Variants in SHC3 observed in about 807,000 individuals in gnomAD.
SHC3 encodes the protein SHC-transforming protein 3.
SHC3 carries 15 observed loss-of-function variants against 60.4 expected under a neutral mutation model. The observed-to-expected ratio is 0.25, with a 90% CI of 0.17 to 0.38. The LOEUF is 0.38. Among genes scored for constraint, SHC3 ranks in the 10% least tolerant of loss-of-function variants. The pLI is 1.00. For synonymous variants in SHC3, 294 were observed against 325.9 expected (o/e 0.90, Z 1.05); for missense variants, 677 against 786.1 (o/e 0.86, Z 1.66).
intron 11 of SHC3, among the ~76,000 whole-genome samples, chr9:89,034,258 T>G (rs1431085805): frequency 1.3e-5 from 2 of 152,190 alleles, no homozygotes; most frequent in African/African-American, 4.8e-5. Context: ...TTAAACAGAT[T>G]CCTAGACATA....
At chr9:89,052,548 C>T (rs1824878628) in intron 6 of SHC3, among the ~76,000 whole-genome samples, 1 of 152,146 alleles carries the variant, frequency 6.6e-6, no homozygotes, top group Non-Finnish European at 1.5e-5. Flanking sequence ...TGAACTAGGT[C>T]CCTTCAAACC....
chr9:89,136,619 C>T (rs1051757468), intron 1 of SHC3, among the ~76,000 whole-genome samples: 1 of 152,222 alleles, frequency 6.6e-6, no homozygotes, highest in Non-Finnish European at 1.5e-5. Flanking sequence ...CCTTGTTTAG[C>T]ATATTATCAA....
intron 1 of SHC3, among the ~76,000 whole-genome samples, chr9:89,118,881 T>C (rs954292672): frequency 3.3e-5 from 5 of 152,164 alleles, no homozygotes; most frequent in Non-Finnish European, 7.4e-5. Flanking sequence ...AAGAGGAGGA[T>C]GTGGGCTGCA....
At chr9:89,037,256 T>G in intron 11 of SHC3, 1 of 472,874 alleles carries the variant, frequency 2.1e-6, no homozygotes, top group Middle Eastern at 4.2e-4. Flanking sequence ...TCCCTGTCAA[T>G]CAGAAAATGC....
chr9:89,095,594 T>A (rs1378609193), intron 2 of SHC3, among the ~76,000 whole-genome samples: 1 of 152,008 alleles, frequency 6.6e-6, no homozygotes, highest in East Asian at 1.9e-4. Context: ...GTTTCAATGG[T>A]AAACTTTATG....
At chr9:89,090,614 G>T (rs1825606377) in intron 2 of SHC3, among the ~76,000 whole-genome samples, 1 of 152,186 alleles carries the variant, frequency 6.6e-6, no homozygotes, top group South Asian at 2.1e-4. Context: ...AGGAGAGTGT[G>T]AGCTGAGCAC....
At chr9:89,035,856 T>TATATATATCTA (rs1317555722) in intron 11 of SHC3, among the ~76,000 whole-genome samples, 1 of 88,994 alleles carries the variant, frequency 1.1e-5, no homozygotes, top group Non-Finnish European at 2.4e-5. Context: ...TATAGATGTG[T>TATATATATCTA]GTGTGTGTGT....
In SHC3 at chr9:89,011,481, A is replaced by T. The variant is rs1483056980; in HGVS notation, c.*1966T>A. 1 of 152,246 alleles carries T rather than the reference A, an allele frequency of 6.6e-6. No individual in the cohort carries two copies. Among genetic ancestry groups the T allele is most frequent in the Non-Finnish European group, 1.5e-5 (1 of 68,046 alleles). 9.4% of individuals were successfully genotyped at this position (152,246 alleles called of 1,614,324 possible). On this transcript the variant is annotated 3_prime_UTR_variant, in exon 12 of 12. Coordinates refer to ENST00000375835, the MANE Select transcript of SHC3 (RefSeq NM_016848.6). ...TCGCACATTTTTCTATGTGGTGCAC[A>T]TTCATGCACAGGTGGGTCAGAGCTG... is the stretch of plus-strand genomic sequence containing the variant.
At chr9:89,088,093 T>C (rs1022461581) in intron 2 of SHC3, among the ~76,000 whole-genome samples, 7 of 152,222 alleles carry the variant, frequency 4.6e-5, no homozygotes, top group Non-Finnish European at 1.0e-4. Context: ...TGGCACCTTT[T>C]AGGGTTGGTT....
At chr9:89,119,286 A>G (rs1826058935) in intron 1 of SHC3, among the ~76,000 whole-genome samples, 1 of 152,176 alleles carries the variant, frequency 6.6e-6, no homozygotes, top group African/African-American at 2.4e-5. Flanking sequence ...GAATATGCAC[A>G]GATGAAAGGC....
chr9:89,106,769 G>A (rs1036528356), intron 2 of SHC3, among the ~76,000 whole-genome samples: 2 of 152,104 alleles, frequency 1.3e-5, no homozygotes, highest in Admixed American at 6.5e-5. Flanking sequence ...AGATACCTTC[G>A]GTCTAACCAA....
At chr9:89,057,144 G>A (rs1230682022) in intron 6 of SHC3, among the ~76,000 whole-genome samples, 2 of 152,198 alleles carry the variant, frequency 1.3e-5, no homozygotes, top group Non-Finnish European at 2.9e-5. Context: ...AACAAGGACG[G>A]CTGTCTTTTC....
intron 1 of SHC3, among the ~76,000 whole-genome samples, chr9:89,143,633 A>C (rs538078313): frequency 1.5e-4 from 23 of 152,154 alleles, no homozygotes; most frequent in Non-Finnish European, 2.4e-4. Flanking sequence ...TTAGAGACAG[A>C]GGGATGGGGG....
intron 2 of SHC3, among the ~76,000 whole-genome samples, chr9:89,083,512 C>T (rs988724576): frequency 3.3e-5 from 5 of 152,178 alleles, no homozygotes; most frequent in Non-Finnish European, 7.3e-5. Flanking sequence ...AAGCAACCAA[C>T]GCCTTTTTAC....
intron 2 of SHC3, among the ~76,000 whole-genome samples, chr9:89,098,615 C>T (rs1825738849): frequency 6.6e-6 from 1 of 152,312 alleles, no homozygotes; most frequent in East Asian, 1.9e-4. Flanking sequence ...TCGAGACCAT[C>T]CTGGCTAACA....
intron 2 of SHC3, chr9:89,088,716 G>A (rs1269235412): frequency 6.6e-6 from 1 of 152,386 alleles, no homozygotes; most frequent in African/African-American, 2.4e-5. Flanking sequence ...AAATGCTGAT[G>A]GGACAACCAG....
chr9:89,155,150 C>T lies in SHC3; in HGVS notation c.474+22837G>A, dbSNP rs551359442. Reference sequence around the variant, plus strand: ...TGACCCCCTCTCTGTGCAGCTGAAGCCGGTGCCACCAGCCAGGTTCTCAGT... The same window carrying T: ...TGACCCCCTCTCTGTGCAGCTGAAGTCGGTGCCACCAGCCAGGTTCTCAGT... On this transcript the variant is annotated intron_variant, in intron 1 of 11. Transcript: ENST00000375835. Among the ~76,000 whole-genome samples the T allele has an allele frequency of 5.6e-4, 86 of 152,318 alleles. No individual in the cohort carries two copies. In the South Asian group the frequency reaches 7.0e-3, roughly 12 times the overall value.
intron 6 of SHC3, among the ~76,000 whole-genome samples, chr9:89,058,131 G>C (rs1282074546): frequency 6.6e-6 from 1 of 152,270 alleles, no homozygotes; most frequent in Non-Finnish European, 1.5e-5. Flanking sequence ...AGGCCACCTA[G>C]TTTGTGACAT....
intron 1 of SHC3, among the ~76,000 whole-genome samples, chr9:89,167,096 C>A (rs1355546928): frequency 6.6e-6 from 1 of 152,072 alleles, no homozygotes; most frequent in Non-Finnish European, 1.5e-5. Flanking sequence ...GGCCAGCACA[C>A]CCCTGCCCTG....
Sources: allele counts gnomAD v4.1 joint callset (sites outside exome capture counted in the v4.1 genomes callset), GRCh38; gene constraint gnomAD v4.1.1; transcripts MANE v1.5; gene names NCBI Gene and HGNC (gene_info 2026-07-23, HGNC 2026-07-21).